The following RNF212B variants were observed in gnomAD, a reference collection of about 807,000 sequenced individuals.
RNF212B encodes the protein ring finger protein 212B, also known as E3 ubiquitin-protein ligase RNF212B.
Under a neutral mutation model 55.5 loss-of-function variants are expected in RNF212B, and 52 were observed. That is an observed-to-expected ratio of 0.94 (90% confidence interval 0.75 to 1.18). The LOEUF is 1.18. RNF212B is among the 50% of genes most tolerant of loss of function. RNF212B has a pLI of 0.00. For synonymous variants in RNF212B, 99 were observed against 121.4 expected (o/e 0.82, Z 1.21); for missense variants, 289 against 350.4 (o/e 0.82, Z 1.40).
chr14:23,237,847 C>T (rs1421728985), upstream of RNF212B, among the ~76,000 whole-genome samples: 1 of 151,876 alleles, frequency 6.6e-6, no homozygotes, highest in African/African-American at 2.4e-5. Context: ...CCCGCCCACG[C>T]CCCGCGCACG....
At chr14:23,249,159 C>T (rs1190136461) in intron 4 of RNF212B, among the ~76,000 whole-genome samples, 1 of 152,162 alleles carries the variant, frequency 6.6e-6, no homozygotes, top group Non-Finnish European at 1.5e-5. Flanking sequence ...TATATACATA[C>T]ATAATTGCTA....
intron 2 of RNF212B, among the ~76,000 whole-genome samples, chr14:23,230,288 C>A (rs1882471565): frequency 6.6e-6 from 1 of 152,154 alleles, no homozygotes; most frequent in African/African-American, 2.4e-5. Context: ...CTTTGTTGCA[C>A]AAAAGTTTTT....
At chr14:23,192,161 T>C (rs1227022880) in intron 1 of RNF212B, among the ~76,000 whole-genome samples, 2 of 150,766 alleles carry the variant, frequency 1.3e-5, no homozygotes, top group South Asian at 2.1e-4. Flanking sequence ...AGAAATACCA[T>C]TTGACCCAGC....
At chr14:23,208,978 T>A (rs530820297) in intron 2 of RNF212B, among the ~76,000 whole-genome samples, 2 of 151,850 alleles carry the variant, frequency 1.3e-5, no homozygotes, top group South Asian at 4.2e-4. Context: ...CGGGATGGTC[T>A]CGATCTCCTG....
intron 2 of RNF212B, among the ~76,000 whole-genome samples, chr14:23,223,441 C>T (rs561098317): frequency 8.6e-5 from 13 of 152,040 alleles, no homozygotes; most frequent in South Asian, 4.2e-4. Flanking sequence ...CTGCAACCTC[C>T]GCCTCACGGG....
intron 4 of RNF212B, chr14:23,258,338 C>CA (rs1213381274): frequency 0.34 from 51,118 of 152,312 alleles, 8,171 homozygotes; most frequent in African/African-American, 0.51. Flanking sequence ...AACTCTGTCT[C>CA]AAAAAAAAAA....
At chr14:23,228,238 A>G (rs1882214103) in intron 2 of RNF212B, among the ~76,000 whole-genome samples, 1 of 152,016 alleles carries the variant, frequency 6.6e-6, no homozygotes. Context: ...GTCTAAAAAA[A>G]AAACTCATCA....
chr14:23,194,613 T>C (rs1171484012), intron 2 of RNF212B, among the ~76,000 whole-genome samples: 1 of 151,682 alleles, frequency 6.6e-6, no homozygotes, highest in Non-Finnish European at 1.5e-5. Flanking sequence ...CACCCACCTG[T>C]AGTCCCAGCT....
chr14:23,193,287 T>C (rs1265729976), intron 1 of RNF212B: 1 of 152,112 alleles, frequency 6.6e-6, no homozygotes, highest in Non-Finnish European at 1.5e-5. Context: ...TATCAAAATA[T>C]AAGATCTCAC....
chr14:23,229,664 G>T (rs949868327), intron 2 of RNF212B, among the ~76,000 whole-genome samples: 22 of 152,056 alleles, frequency 1.4e-4, no homozygotes, highest in African/African-American at 5.3e-4. Flanking sequence ...TCATGTGTCT[G>T]CTGGACACTT....
chr14:23,185,633 A>T (rs1877515622), intron 1 of RNF212B: 1 of 152,224 alleles, frequency 6.6e-6, no homozygotes, highest in African/African-American at 2.4e-5. Flanking sequence ...TAGCCCTCTC[A>T]AATTATGAAC....
intron 2 of RNF212B, among the ~76,000 whole-genome samples, chr14:23,219,804 A>G (rs1342175513): frequency 1.3e-5 from 2 of 151,938 alleles, no homozygotes; most frequent in African/African-American, 2.4e-5. Context: ...GTTTGTTTGT[A>G]TATGCAATCA....
intron 4 of RNF212B, among the ~76,000 whole-genome samples, chr14:23,248,120 AG>A (rs1013331509): frequency 2.0e-5 from 3 of 151,540 alleles, no homozygotes; most frequent in Admixed American, 6.6e-5. Context: ...CTTTTTATTT[AG>A]TTTTTTGAGA....
chr14:23,223,503 C>T (rs1453778539), intron 2 of RNF212B, among the ~76,000 whole-genome samples: 1 of 152,012 alleles, frequency 6.6e-6, no homozygotes, highest in South Asian at 2.1e-4. Context: ...TACAGGCGCC[C>T]GCCATCAAGC....
At chr14:23,236,581 T>C (rs537270780), upstream of RNF212B, among the ~76,000 whole-genome samples, 4 of 152,220 alleles carry the variant, frequency 2.6e-5, no homozygotes, top group South Asian at 8.3e-4. Context: ...CAAACACACA[T>C]TTAATGGGGT....
At chr14:23,228,218 G>A (rs138247508) in intron 2 of RNF212B, among the ~76,000 whole-genome samples, 7 of 150,508 alleles carry the variant, frequency 4.7e-5, no homozygotes, top group Non-Finnish European at 1.0e-4. Context: ...GGTGACGAGA[G>A]CGAAACTCTG....
intron 2 of RNF212B, among the ~76,000 whole-genome samples, chr14:23,196,938 T>C (rs1421326724): frequency 6.6e-6 from 1 of 152,198 alleles, no homozygotes; most frequent in Non-Finnish European, 1.5e-5. Context: ...TAGAGTGATT[T>C]TATGATTAAT....
At chr14:23,224,448 CACA>C (rs997131620) in intron 2 of RNF212B, among the ~76,000 whole-genome samples, 1 of 152,142 alleles carries the variant, frequency 6.6e-6, no homozygotes, top group African/African-American at 2.4e-5. Context: ...AACAAATCCA[CACA>C]ACAACAGTGA....
Position 23,251,814 on chromosome 14 carries a change from C to CA in RNF212B, c.229-6724dup, listed in dbSNP as rs71119011. Among the ~76,000 whole-genome samples the CA allele has an allele frequency of 2.9e-3, 402 of 136,408 alleles. 8 individuals are homozygous for CA. Among genetic ancestry groups the CA allele is most frequent in the Middle Eastern group, 0.015 (4 of 260 alleles). 89.5% of individuals were successfully genotyped at this position (136,408 alleles called of 152,430 possible). A position where few individuals can be genotyped will look rare whatever the true frequency, so the allele number is the denominator to read the frequency against. On this transcript the variant is annotated intron_variant, in intron 4 of 14. Transcript: ENST00000430154. ...CTGGCAACAGAGTGAGACTCTGTCT[C>CA]AAAAAAAAAAAGAAAGAAAGAAAAC...
Sources: gnomAD v4.1 joint callset for allele counts (sites outside exome capture counted in the v4.1 genomes callset) on GRCh38, gnomAD v4.1.1 for gene constraint, MANE v1.5 for transcripts, NCBI Gene and HGNC (gene_info 2026-07-23, HGNC 2026-07-21) for gene names.